Variants in PRDM16 observed in about 807,000 individuals in gnomAD.
PRDM16 encodes PR/SET domain 16, also known as histone-lysine N-methyltransferase PRDM16.
Under a neutral mutation model 110.6 loss-of-function variants are expected in PRDM16, and 23 were observed. That is an observed-to-expected ratio of 0.21 (90% CI 0.15 to 0.29). The LOEUF (loss-of-function observed/expected upper bound fraction) is 0.29. Ranked by LOEUF, PRDM16 falls within the 10% of genes least tolerant of loss-of-function variation. The pLI is 1.00. For synonymous variants in PRDM16, 799 were observed against 781.8 expected (o/e 1.02, Z -0.37); for missense variants, 1,615 against 1,794.3 (o/e 0.90, Z 1.81).
At position 3,396,527 on chromosome 1, in the gene PRDM16, G is replaced by A; in HGVS notation, c.610G>A (p.Glu204Lys). The part of the protein sequence containing the change: ...YKVIKDIEPG[E>K]ELLVHVKEGV... ...AGTCATTAAGGACATTGAGCCAGGT[G>A]AGGAGCTGCTGGTGCACGTGAAGGA... The change falls in exon 5 of 17, where the codon GAG becomes AAG. Residue 204 changes from glutamate to lysine, a missense_variant. This residue lies in a region of PRDM16 where 416 missense variants were observed against 467.1 expected (regional missense o/e 0.89). Coordinates refer to ENST00000270722, the MANE Select transcript of PRDM16 (RefSeq NM_022114.4). 6.2e-7 allele frequency: 1 copy of A among 1,607,112 alleles called. No individual in the cohort carries two copies.
chr1:3,105,677 C>T (rs924731308), intron 1 of PRDM16, among the ~76,000 whole-genome samples: 6 of 152,234 alleles, frequency 3.9e-5, no homozygotes, highest in Admixed American at 6.5e-5. Flanking sequence ...ATGCATTCCT[C>T]GGGCAGGCTC....
At chr1:3,280,187 C>G (rs1640682613) in intron 3 of PRDM16, among the ~76,000 whole-genome samples, 1 of 152,214 alleles carries the variant, frequency 6.6e-6, no homozygotes, top group South Asian at 2.1e-4. Flanking sequence ...GAGCTGGTCA[C>G]CAGCTTAGTG....
chr1:3,137,293 A>C (rs917912224), intron 1 of PRDM16, among the ~76,000 whole-genome samples: 2 of 152,250 alleles, frequency 1.3e-5, no homozygotes, highest in African/African-American at 4.8e-5. Flanking sequence ...GGGTGCAGGC[A>C]TGTGAGGTGG....
chr1:3,173,960 C>T (rs1644057790), intron 1 of PRDM16, among the ~76,000 whole-genome samples: 1 of 152,180 alleles, frequency 6.6e-6, no homozygotes, highest in Non-Finnish European at 1.5e-5. Flanking sequence ...TGCTATGGCC[C>T]GTGCTATGGT....
At chr1:3,091,448 G>A (rs1015845190) in intron 1 of PRDM16, among the ~76,000 whole-genome samples, 1 of 152,228 alleles carries the variant, frequency 6.6e-6, no homozygotes, top group African/African-American at 2.4e-5. Flanking sequence ...TTTTCAGCAG[G>A]ACTCAGATCC....
intron 1 of PRDM16, among the ~76,000 whole-genome samples, chr1:3,180,891 G>A (rs1221686143): frequency 6.7e-6 from 1 of 149,716 alleles, no homozygotes; most frequent in Non-Finnish European, 1.5e-5. Context: ...CTTACACACG[G>A]CCTCACACAC....
At chr1:3,216,810 C>G (rs1227108173) in intron 2 of PRDM16, among the ~76,000 whole-genome samples, 2 of 152,196 alleles carry the variant, frequency 1.3e-5, no homozygotes, top group East Asian at 3.9e-4. Flanking sequence ...CAGCATGGAA[C>G]TGGAGGGGAC....
At chr1:3,117,953 G>A (rs145878266) in intron 1 of PRDM16, among the ~76,000 whole-genome samples, 13 of 152,300 alleles carry the variant, frequency 8.5e-5, no homozygotes, top group African/African-American at 3.1e-4. Context: ...TTGTGCACGT[G>A]TGTGTGCATG....
chr1:3,314,975 G>C (rs1048614196), intron 3 of PRDM16, among the ~76,000 whole-genome samples: 1 of 152,164 alleles, frequency 6.6e-6, no homozygotes, highest in Non-Finnish European at 1.5e-5. Flanking sequence ...AGCCATATCC[G>C]GGGAAAGATG....
At chr1:3,090,228 G>A (rs186994427) in intron 1 of PRDM16, among the ~76,000 whole-genome samples, 4 of 152,344 alleles carry the variant, frequency 2.6e-5, no homozygotes, top group East Asian at 1.9e-4. Context: ...GACATGCAGC[G>A]TCCAGACCTG....
intron 3 of PRDM16, among the ~76,000 whole-genome samples, chr1:3,252,502 A>G (rs1303365339): frequency 1.3e-5 from 2 of 152,120 alleles, no homozygotes; most frequent in African/African-American, 4.8e-5. Context: ...CCTAAGGCCT[A>G]TCTGGCTGGT....
At chr1:3,183,659 G>A (rs1289569180) in intron 1 of PRDM16, among the ~76,000 whole-genome samples, 1 of 152,222 alleles carries the variant, frequency 6.6e-6, no homozygotes, top group African/African-American at 2.4e-5. Flanking sequence ...CTCCTAAGCT[G>A]TTTGCTTGGC....
At chr1:3,257,353 G>A (rs1450465488) in intron 3 of PRDM16, among the ~76,000 whole-genome samples, 1 of 152,114 alleles carries the variant, frequency 6.6e-6, no homozygotes, top group Non-Finnish European at 1.5e-5. Context: ...TATGAGGGAG[G>A]GCACTGCTGC....
intron 3 of PRDM16, among the ~76,000 whole-genome samples, chr1:3,300,042 C>T (rs111702145): frequency 2.3e-5 from 2 of 87,150 alleles, no homozygotes; most frequent in Non-Finnish European, 5.2e-5. Context: ...GTGATGTTTC[C>T]GATCCCAGTC....
At chr1:3,217,806 C>T (rs994520003) in intron 2 of PRDM16, among the ~76,000 whole-genome samples, 2 of 152,172 alleles carry the variant, frequency 1.3e-5, no homozygotes, top group South Asian at 2.1e-4. Flanking sequence ...CTGGCTGGGA[C>T]GCGCGCTCTT....
At position 3,390,889 on chromosome 1, in the gene PRDM16, G is replaced by A. The variant is rs1271169614; in HGVS notation, c.574-5602G>A. 6.7e-6 allele frequency among the ~76,000 whole-genome samples: 1 copy of A among 148,346 alleles called. No individual in the cohort carries two copies. Among genetic ancestry groups the A allele is most frequent in the Non-Finnish European group, 1.5e-5 (1 of 67,504 alleles). ...TCACTCTTGTTGCCCAGGCCAGAGT[G>A]CAATAGCACAATCTCGGCTCACTGC... On this transcript the variant is annotated intron_variant, in intron 4 of 16. Coordinates refer to ENST00000270722, the MANE Select transcript of PRDM16 (RefSeq NM_022114.4). This position sits in a 1 kb window ranked among gnomAD's most constrained non-coding sequence, Gnocchi z 5.0.
chr1:3,406,640 G>A (rs2100649631), intron 8 of PRDM16, among the ~76,000 whole-genome samples: 1 of 152,232 alleles, frequency 6.6e-6, no homozygotes, highest in East Asian at 1.9e-4. Flanking sequence ...TGCTCAGGGG[G>A]CTAAGGGCAA....
intron 2 of PRDM16, among the ~76,000 whole-genome samples, chr1:3,198,492 G>A (rs1638537076): frequency 6.6e-6 from 1 of 152,230 alleles, no homozygotes; most frequent in Non-Finnish European, 1.5e-5. Context: ...TCTTGCTTTT[G>A]CAGCTCCGGG....
intron 3 of PRDM16, among the ~76,000 whole-genome samples, chr1:3,284,662 G>T (rs1316695135): frequency 2.0e-5 from 3 of 152,236 alleles, no homozygotes; most frequent in African/African-American, 7.2e-5. Context: ...TCTTCAGATA[G>T]ACTCTGTGGC....
Sources: allele counts gnomAD v4.1 joint callset (sites outside exome capture counted in the v4.1 genomes callset), GRCh38; gene constraint gnomAD v4.1.1; regional missense constraint gnomAD v4.1.1; non-coding constraint Gnocchi (gnomAD v3.1); transcripts MANE v1.5; gene names NCBI Gene and HGNC (gene_info 2026-07-23, HGNC 2026-07-21).